Variants in TMEM131 observed in about 807,000 individuals in gnomAD.
TMEM131 encodes 2610524E03Rik.
In TMEM131, 66 loss-of-function variants were observed where a neutral mutation model predicts 211.6. The ratio of observed to expected loss-of-function variants is 0.31; its 90% CI spans 0.26 to 0.38. The LOEUF (loss-of-function observed/expected upper bound fraction) is 0.38, where lower values mean the gene tolerates loss of function less well. Among genes scored for constraint, TMEM131 ranks in the 10% least tolerant of loss-of-function variants. The pLI, the probability that TMEM131 is intolerant of heterozygous loss-of-function variation, is 1.00. For missense variants in TMEM131, 2,036 were observed against 2,299.3 expected, an observed-to-expected ratio of 0.89 and a Z score of 2.34; for synonymous variants, 844 against 841.3, an observed-to-expected ratio of 1.00 and a Z score of -0.06.
At chr2:97,806,947 T>C (rs1188730132) in intron 19 of TMEM131, among the ~76,000 whole-genome samples, 1 of 152,074 alleles carries the variant, frequency 6.6e-6, no homozygotes, top group Non-Finnish European at 1.5e-5. Context: ...ACAGGAGCCC[T>C]CGGGCAGTCA....
chr2:97,890,463 G>A (rs1675332279), intron 3 of TMEM131, among the ~76,000 whole-genome samples: 1 of 152,148 alleles, frequency 6.6e-6, no homozygotes, highest in Non-Finnish European at 1.5e-5. Flanking sequence ...GATTTTCACT[G>A]GATACACAGT....
In TMEM131 at chr2:97,796,991, G is replaced by T. The variant is rs772828862; in HGVS notation, c.2871-5C>A. On this transcript the variant is annotated splice_polypyrimidine_tract_variant and splice_region_variant and intron_variant, in intron 26 of 40. Transcript: ENST00000186436. ...TCCATCACAGTCAGGTTATTTCTATGCAAGAATGAGAATTACAGATTTTTC... is the reference window on the plus strand; with the variant it reads ...TCCATCACAGTCAGGTTATTTCTATTCAAGAATGAGAATTACAGATTTTTC... 8.7e-6 allele frequency: 14 copies of T among 1,603,820 alleles called. No individual in the cohort carries two copies. Among genetic ancestry groups the T allele is most frequent in the Non-Finnish European group, 3.4e-6 (4 of 1,175,904 alleles).
intron 7 of TMEM131, among the ~76,000 whole-genome samples, chr2:97,840,332 C>G (rs765465356): frequency 6.6e-6 from 1 of 152,246 alleles, no homozygotes; most frequent in African/African-American, 2.4e-5. Flanking sequence ...CTGCAAGCTC[C>G]ATCCTTGTGG....
At chr2:97,911,604 C>T (rs1170166151) in intron 2 of TMEM131, 2 of 984,466 alleles carry the variant, frequency 2.0e-6, no homozygotes, top group African/African-American at 1.7e-5. Flanking sequence ...ACTGAAATTA[C>T]TCATACGAAG....
chr2:97,765,741 G>A (rs1374526654), intron 35 of TMEM131, among the ~76,000 whole-genome samples: 1 of 152,134 alleles, frequency 6.6e-6, no homozygotes, highest in Non-Finnish European at 1.5e-5. Context: ...TATAAATGAG[G>A]AACTCATCAG....
At chr2:97,840,237 C>G (rs1051351332) in intron 7 of TMEM131, among the ~76,000 whole-genome samples, 1 of 152,200 alleles carries the variant, frequency 6.6e-6, no homozygotes, top group Non-Finnish European at 1.5e-5. Flanking sequence ...CTGTGCTGGG[C>G]TTGGTAACTC....
intron 11 of TMEM131, among the ~76,000 whole-genome samples, chr2:97,828,185 C>A (rs1477717421): frequency 6.6e-6 from 1 of 151,964 alleles, no homozygotes; most frequent in Non-Finnish European, 1.5e-5. Context: ...TTGATAGCCT[C>A]TTAAGGAAAA....
intron 1 of TMEM131, among the ~76,000 whole-genome samples, chr2:97,985,372 C>T (rs200283560): frequency 2.3e-4 from 30 of 132,210 alleles, no homozygotes; most frequent in Non-Finnish European, 3.4e-4. Context: ...TATATATACA[C>T]ACACACACAC....
At chr2:97,916,093 T>C (rs1676496244) in intron 2 of TMEM131, among the ~76,000 whole-genome samples, 1 of 152,034 alleles carries the variant, frequency 6.6e-6, no homozygotes, top group South Asian at 2.1e-4. Flanking sequence ...TTTTTTAATT[T>C]TTAGTAGAGA....
intron 2 of TMEM131, among the ~76,000 whole-genome samples, chr2:97,923,533 G>C (rs1287056134): frequency 6.7e-6 from 1 of 149,956 alleles, no homozygotes; most frequent in Non-Finnish European, 1.5e-5. Flanking sequence ...GAGGGAGGAG[G>C]GTCACTTGAG....
chr2:97,781,784 G>A (rs1455372329), intron 31 of TMEM131, among the ~76,000 whole-genome samples: 3 of 152,186 alleles, frequency 2.0e-5, no homozygotes, highest in Admixed American at 2.0e-4. Flanking sequence ...AGATTCCTGG[G>A]TTTTCTTTTT....
intron 3 of TMEM131, 107 bp downstream of exon 3, chr2:97,908,551 G>T: frequency 1.3e-6 from 1 of 758,632 alleles, no homozygotes; most frequent in Non-Finnish European, 2.2e-6. Context: ...TTTACAATTT[G>T]CTATTCCTTC....
At chr2:97,882,474 T>C (rs1674975157) in intron 4 of TMEM131, among the ~76,000 whole-genome samples, 1 of 152,244 alleles carries the variant, frequency 6.6e-6, no homozygotes, top group Non-Finnish European at 1.5e-5. Context: ...TGGGAAGCAC[T>C]TTCAAAGAAA....
intron 11 of TMEM131, among the ~76,000 whole-genome samples, chr2:97,819,617 A>G (rs1682013675): frequency 6.6e-6 from 1 of 152,204 alleles, no homozygotes; most frequent in Admixed American, 6.5e-5. Flanking sequence ...GGTACTGTAT[A>G]CAACTCTTGA....
intron 7 of TMEM131, among the ~76,000 whole-genome samples, chr2:97,839,770 T>C (rs890184528): frequency 3.3e-5 from 5 of 152,228 alleles, no homozygotes; most frequent in African/African-American, 1.2e-4. Flanking sequence ...TGAAATAACA[T>C]TTTGGCCACC....
intron 1 of TMEM131, among the ~76,000 whole-genome samples, chr2:97,947,390 A>G (rs1343150484): frequency 6.6e-6 from 1 of 152,052 alleles, no homozygotes; most frequent in African/African-American, 2.4e-5. Flanking sequence ...GGATATAGGA[A>G]AGTAGTAAGA....
rs1275744727 is a variant in TMEM131, at chr2:97,814,105, T to G, written c.1483A>C (p.Asn495His). The G allele has an allele frequency of 1.2e-6, 2 of 1,609,354 alleles. No individual in the cohort carries two copies. Among genetic ancestry groups the G allele is most frequent in the Admixed American group, 3.4e-5 (2 of 59,166 alleles). The change falls in exon 15 of 41, where the codon AAT becomes CAT. Residue 495 changes from asparagine to histidine, a missense_variant. By Grantham distance (68) the Asn-to-His change is moderately conservative (BLOSUM62 1). This residue lies in a region of TMEM131 where 1,623 missense variants were observed against 1,805.9 expected (regional missense o/e 0.90). Transcript: ENST00000186436. Reference protein sequence around the residue: ...NFSKPVLILPNESGYIFTLLF... With the variant: ...NFSKPVLILPHESGYIFTLLF... ...AGGGTAAAAATGTATCCTGATTCATTAGGAAGAATTAAGACTGGTTTGCTG... is the reference window on the plus strand; with the variant it reads ...AGGGTAAAAATGTATCCTGATTCATGAGGAAGAATTAAGACTGGTTTGCTG...
At chr2:97,789,665 C>T (rs988924195) in intron 31 of TMEM131, among the ~76,000 whole-genome samples, 9 of 152,174 alleles carry the variant, frequency 5.9e-5, no homozygotes, top group African/African-American at 9.7e-5. Context: ...TGGCCACAGA[C>T]GCCATCATTT....
At chr2:97,863,826 A>G (rs1266181713) in intron 4 of TMEM131, among the ~76,000 whole-genome samples, 1 of 152,212 alleles carries the variant, frequency 6.6e-6, no homozygotes, top group East Asian at 1.9e-4. Flanking sequence ...AGGTTCCTCA[A>G]AAAACTAGAA....
Sources: gnomAD v4.1 joint callset for allele counts (sites outside exome capture counted in the v4.1 genomes callset) on GRCh38, gnomAD v4.1.1 for gene constraint, gnomAD v4.1.1 regional missense constraint, MANE v1.5 for transcripts, NCBI Gene and HGNC (gene_info 2026-07-23, HGNC 2026-07-21) for gene names.